Variants in TECR observed in about 807,000 individuals in gnomAD.
TECR encodes the protein very-long-chain enoyl-CoA reductase.
A neutral mutation model predicts 50.6 loss-of-function variants in TECR; 19 were observed. The observed-to-expected ratio is 0.38, with a 90% confidence interval of 0.26 to 0.55. The LOEUF (loss-of-function observed/expected upper bound fraction) is 0.55, where lower values mean the gene tolerates loss of function less well. Ranked by LOEUF, TECR falls within the 20% of genes least tolerant of loss-of-function variation. The pLI is 0.79. For synonymous variants in TECR, 168 were observed against 163.5 expected (o/e 1.03, Z -0.21); for missense variants, 313 against 408.3 (o/e 0.77, Z 2.01).
At chr19:14,532,594 T>G (rs548443623) in intron 1 of TECR, 3 of 152,004 alleles carry the variant, frequency 2.0e-5, no homozygotes, top group Non-Finnish European at 2.9e-5. Flanking sequence ...ATTGTTATTT[T>G]GCTGTGTTGT....
chr19:14,531,693 A>G (rs2072672586), intron 1 of TECR: 1 of 152,214 alleles, frequency 6.6e-6, no homozygotes, highest in South Asian at 2.1e-4. Flanking sequence ...GAGTGCTGGG[A>G]TTACAGGCAT....
At chr19:14,559,618 C>G (rs529047013) in intron 1 of TECR, among the ~76,000 whole-genome samples, 1 of 152,138 alleles carries the variant, frequency 6.6e-6, no homozygotes, top group African/African-American at 2.4e-5. Context: ...GAAACCCCAT[C>G]TCTCCTAAAA....
chr19:14,559,765 C>T (rs933875103), intron 1 of TECR, among the ~76,000 whole-genome samples: 21 of 147,874 alleles, frequency 1.4e-4, no homozygotes, highest in Admixed American at 2.7e-4. Context: ...CCAACCTGGG[C>T]GACAGAGTGA....
At chr19:14,540,423 T>C (rs2073057727) in intron 1 of TECR, among the ~76,000 whole-genome samples, 1 of 151,356 alleles carries the variant, frequency 6.6e-6, no homozygotes, top group Non-Finnish European at 1.5e-5. Flanking sequence ...GGCAGAGTCG[T>C]GCTCTGTCAC....
intron 7 of TECR, 117 bp downstream of exon 7, chr19:14,564,404 C>G: frequency 1.2e-6 from 1 of 867,448 alleles, no homozygotes; most frequent in Admixed American, 2.1e-5. Context: ...CAGCAGAGCC[C>G]TACCCCTAGG....
chr19:14,531,486 G>C (rs2146547274), intron 1 of TECR: 1 of 152,024 alleles, frequency 6.6e-6, no homozygotes, highest in African/African-American at 2.4e-5. Context: ...GCAATGGCGT[G>C]ATCTTGGCTC....
chr19:14,563,712 G>C lies in TECR; in HGVS notation c.163+10G>C, dbSNP rs761162689. 1 of 1,613,190 alleles carries C rather than the reference G, an allele frequency of 6.2e-7. No individual in the cohort carries two copies. Among genetic ancestry groups the C allele is most frequent in the Non-Finnish European group, 8.5e-7 (1 of 1,179,924 alleles). Reference sequence around the variant, plus strand: ...CTCCGCCTGGACCCCAGTGAGTACAGCTGTCCACTCGGCCCGCCCCCTGGG... The same window carrying C: ...CTCCGCCTGGACCCCAGTGAGTACACCTGTCCACTCGGCCCGCCCCCTGGG... On this transcript the variant is annotated intron_variant, in intron 4 of 12. Transcript: ENST00000215567. This position sits in a 1 kb window ranked among gnomAD's most constrained non-coding sequence, Gnocchi z 5.3.
At chr19:14,541,461 G>GT (rs1208133289) in intron 1 of TECR, among the ~76,000 whole-genome samples, 1 of 152,188 alleles carries the variant, frequency 6.6e-6, no homozygotes, top group African/African-American at 2.4e-5. Context: ...GCCTTTTCCC[G>GT]TCATAGGACC....
chr19:14,535,456 G>A (rs8101153), intron 1 of TECR, among the ~76,000 whole-genome samples: 26,164 of 130,792 alleles, frequency 0.2, 2,832 homozygotes, highest in African/African-American at 0.29. Context: ...GCAGTGAGCC[G>A]AGATCGCGCC....
At chr19:14,559,534 TC>T (rs1051051685) in intron 1 of TECR, among the ~76,000 whole-genome samples, 1 of 151,734 alleles carries the variant, frequency 6.6e-6, no homozygotes, top group Non-Finnish European at 1.5e-5. Context: ...ACGCCTATAA[TC>T]CTAGCACTTT....
intron 1 of TECR, among the ~76,000 whole-genome samples, chr19:14,552,043 G>T (rs2146604482): frequency 6.8e-6 from 1 of 147,358 alleles, no homozygotes; most frequent in East Asian, 2.0e-4. Context: ...CAGTGGTGCA[G>T]TCATAACTCA....
At chr19:14,559,771 A>T (rs1050884388) in intron 1 of TECR, among the ~76,000 whole-genome samples, 1 of 144,926 alleles carries the variant, frequency 6.9e-6, no homozygotes, top group Non-Finnish European at 1.5e-5. Context: ...TGGGCGACAG[A>T]GTGAGACTCT....
At chr19:14,540,357 T>G (rs984240730) in intron 1 of TECR, among the ~76,000 whole-genome samples, 3 of 150,758 alleles carry the variant, frequency 2.0e-5, no homozygotes, top group African/African-American at 7.3e-5. Context: ...CGTGAGCCAC[T>G]GTGCCTGGCT....
At chr19:14,543,423 T>A (rs1298420941) in intron 1 of TECR, among the ~76,000 whole-genome samples, 491 of 7,296 alleles carry the variant, frequency 0.067, 8 homozygotes, top group East Asian at 0.079. Flanking sequence ...ATATATATTT[T>A]TTTTTTTTTT....
chr19:14,529,208 ACCT>A (rs1235940271), upstream of TECR: 1 of 243,176 alleles, frequency 4.1e-6, no homozygotes, highest in Admixed American at 4.9e-5. Context: ...GGGGCCGCCC[ACCT>A]CAGAATTTAC....
intron 1 of TECR, among the ~76,000 whole-genome samples, chr19:14,537,445 T>TGAG (rs149758678): frequency 0.35 from 52,805 of 151,688 alleles, 9,542 homozygotes; most frequent in Non-Finnish European, 0.41. Flanking sequence ...AACTGGTTCC[T>TGAG]GAGAACAGAG....
At chr19:14,539,222 C>T (rs1293145177) in intron 1 of TECR, among the ~76,000 whole-genome samples, 3 of 143,406 alleles carry the variant, frequency 2.1e-5, no homozygotes, top group Non-Finnish European at 4.5e-5. Flanking sequence ...TCTCGATCTC[C>T]TGACTTCGTG....
At position 14,564,696 on chromosome 19, in the gene TECR, A is replaced by G. The variant is rs557755553; in HGVS notation, c.490-90A>G. On this transcript the variant is annotated intron_variant, in intron 7 of 12. Transcript: ENST00000215567. ...AAGGCCCCTCCTGTCCTTTCCCACCATGCTCCCAGGCCCCTCGGGATGAGA... is the reference window on the plus strand; with the variant it reads ...AAGGCCCCTCCTGTCCTTTCCCACCGTGCTCCCAGGCCCCTCGGGATGAGA... The G allele has an allele frequency of 3.2e-6, 4 of 1,247,854 alleles. No individual in the cohort carries two copies. The African/African-American group carries it at 7.5e-5, about 23-fold the overall frequency. The allele number at this position is 1,247,854 out of a possible 1,614,324, so 77.3% of individuals were successfully genotyped here.
intron 1 of TECR, among the ~76,000 whole-genome samples, chr19:14,542,347 G>GTTCTTTTT (rs2073125774): frequency 2.3e-5 from 1 of 43,282 alleles, no homozygotes; most frequent in Non-Finnish European, 4.4e-5. Flanking sequence ...ATGCCATAGT[G>GTTCTTTTT]TTTTTTTTTT....
Sources: allele counts gnomAD v4.1 joint callset (sites outside exome capture counted in the v4.1 genomes callset), GRCh38; gene constraint gnomAD v4.1.1; non-coding constraint Gnocchi (gnomAD v3.1); transcripts MANE v1.5; gene names NCBI Gene and HGNC (gene_info 2026-07-23, HGNC 2026-07-21).